Variants in TCF7L1 observed in about 807,000 individuals in gnomAD.
The protein encoded by TCF7L1 is transcription factor 7 like 1.
A neutral mutation model predicts 63.7 loss-of-function variants in TCF7L1; 18 were observed. That is an observed-to-expected ratio of 0.28 (90% CI 0.20 to 0.42). The LOEUF (loss-of-function observed/expected upper bound fraction) is 0.42, where lower values mean the gene tolerates loss of function less well. Among genes scored for constraint, TCF7L1 ranks in the 10% least tolerant of loss-of-function variants. The probability of loss-of-function intolerance (pLI) is 1.00; values close to 1 mark genes in which losing one functional copy is unlikely to be tolerated. For missense variants in TCF7L1, 654 were observed against 779.3 expected (o/e 0.84, Z 1.91); for synonymous variants, 355 against 340.9 (o/e 1.04, Z -0.46).
chr2:85,247,631 G>A (rs1276327743), intron 3 of TCF7L1, among the ~76,000 whole-genome samples: 2 of 152,222 alleles, frequency 1.3e-5, no homozygotes, highest in South Asian at 2.1e-4. Context: ...TGCCAAAATT[G>A]TGAGGGTTTG....
At chr2:85,220,977 G>A (rs1488731925) in intron 3 of TCF7L1, among the ~76,000 whole-genome samples, 1 of 152,146 alleles carries the variant, frequency 6.6e-6, no homozygotes, top group African/African-American at 2.4e-5. Flanking sequence ...AGTTAGCCTA[G>A]AATATATTGT....
chr2:85,236,714 A>T (rs1309958568), intron 3 of TCF7L1, among the ~76,000 whole-genome samples: 2 of 152,170 alleles, frequency 1.3e-5, no homozygotes, highest in Non-Finnish European at 2.9e-5. Flanking sequence ...CATAAGAGGT[A>T]AACAGAGTCC....
rs1004807742 is a variant in TCF7L1 at position 85,284,971 on chromosome 2, C to T, written c.525+1393C>T. On this transcript the variant is annotated intron_variant, in intron 4 of 11. Transcript: ENST00000282111. ...ACTGATAGCTGGGCGCAGTGGCTCA[C>T]GCCTGTAATCCCAGCACTTTGGGAG... 7.9e-5 allele frequency among the ~76,000 whole-genome samples: 12 copies of T among 152,274 alleles called. No homozygotes were observed. In the East Asian group the frequency reaches 1.2e-3, roughly 15 times the overall value.
rs868793797 is a variant in TCF7L1, at chr2:85,134,470, G to T, written c.441+20G>T. ...CGCACCGTGAGTGCCCGTCGGGCGC[G>T]CCGGGGAGGGTGGGAGGCCGCGGCC... On this transcript the variant is annotated intron_variant, in intron 3 of 11. Transcript: ENST00000282111. This position sits in a 1 kb window ranked among gnomAD's most constrained non-coding sequence, Gnocchi z 5.0. The T allele has an allele frequency of 9.0e-6, 14 of 1,547,858 alleles. No individual in the cohort carries two copies. The Middle Eastern group carries it at 8.0e-4, about 89-fold the overall frequency.
intron 11 of TCF7L1, among the ~76,000 whole-genome samples, 178 bp downstream of exon 11, chr2:85,307,895 C>T (rs944425536): frequency 1.3e-5 from 2 of 152,194 alleles, no homozygotes; most frequent in African/African-American, 4.8e-5. Flanking sequence ...AAGGCATTTT[C>T]CCAGGCACTC....
intron 3 of TCF7L1, among the ~76,000 whole-genome samples, chr2:85,251,880 C>T (rs1680595877): frequency 6.6e-6 from 1 of 152,078 alleles, no homozygotes; most frequent in African/African-American, 2.4e-5. Context: ...CTGAGACCAG[C>T]CTGGGTAACA....
chr2:85,269,434 TACAC>T lies in TCF7L1; in HGVS notation c.442-14059_442-14056del, dbSNP rs958170345. 1.1e-4 allele frequency among the ~76,000 whole-genome samples: 16 copies of T among 152,262 alleles called. No individual in the cohort carries two copies. In the East Asian group the frequency reaches 1.3e-3, roughly 13 times the overall value. On this transcript the variant is annotated intron_variant, in intron 3 of 11. Coordinates refer to ENST00000282111, the MANE Select transcript of TCF7L1 (RefSeq NM_031283.3). ...CATGTGTATACACATACATAAAAAA[TACAC>T]ATACATATGTATTTATAATTTTGTT...
Position 85,305,332 on chromosome 2 carries a change from C to T in TCF7L1, c.918C>T (p.Pro306=). The change falls in exon 8 of 12, where the codon CCC becomes CCT. Residue 306 remains proline, a synonymous_variant. Coordinates refer to ENST00000282111, the MANE Select transcript of TCF7L1 (RefSeq NM_031283.3). The stretch of plus-strand genomic sequence containing the variant: ...CTGGCCTGCCCACCTCAGGGATCCC[C>T]CACCCTGCCATCGTCTCCCCCATCG... The part of the protein sequence containing the change: ...AHPGLPTSGI[P]HPAIVSPIVK... The T allele has an allele frequency of 1.2e-6, 2 of 1,613,922 alleles. No homozygotes were observed. Among genetic ancestry groups the T allele is most frequent in the Non-Finnish European group, 1.7e-6 (2 of 1,179,934 alleles).
intron 3 of TCF7L1, among the ~76,000 whole-genome samples, chr2:85,262,519 T>C (rs528540756): frequency 3.9e-5 from 6 of 152,330 alleles, no homozygotes; most frequent in Non-Finnish European, 8.8e-5. Context: ...TAGAGGCTGC[T>C]GTCAAGTCCA....
chr2:85,298,593 G>C (rs1385286844), intron 4 of TCF7L1, among the ~76,000 whole-genome samples: 1 of 151,986 alleles, frequency 6.6e-6, no homozygotes, highest in African/African-American at 2.4e-5. Context: ...TGAAATAGAC[G>C]GGAAACACCT....
rs553066847 is a variant in TCF7L1, at chr2:85,133,826, G to C, written c.142G>C (p.Glu48Gln). 5.4e-6 allele frequency: 8 copies of C among 1,492,096 alleles called. No homozygotes were observed. In the East Asian group the frequency reaches 2.0e-4, roughly 37 times the overall value. The allele number at this position is 1,492,096 out of a possible 1,614,324, so 92.4% of individuals were successfully genotyped here. Residue 48 changes from glutamate to glutamine, a missense_variant, in exon 1 of 12, where the codon GAG becomes CAG. Glu to Gln is a conservative substitution (Grantham distance 29). Transcript: ENST00000282111. The surrounding 1 kb of genome is among the most constrained non-coding windows in gnomAD (Gnocchi z 4.4). ...CCCCTTCCAGGACGAGGGGGGCGAG[G>C]AGCAGGAGCCGAGCAGCGATAGCGC... The part of the protein sequence containing the change: ...LIPFQDEGGE[E>Q]QEPSSDSASA...
intron 4 of TCF7L1, among the ~76,000 whole-genome samples, chr2:85,290,478 C>T (rs149267448): frequency 1.0e-3 from 152 of 152,272 alleles, no homozygotes; most frequent in Middle Eastern, 3.4e-3. Flanking sequence ...GCCCAACCTC[C>T]CCATTTTTAA....
intron 4 of TCF7L1, among the ~76,000 whole-genome samples, chr2:85,284,725 CAT>C (rs996672806): frequency 3.3e-5 from 5 of 152,200 alleles, no homozygotes; most frequent in Non-Finnish European, 5.9e-5. Flanking sequence ...GACGAGCAGA[CAT>C]AGGACTTCAC....
chr2:85,237,403 C>T lies in TCF7L1; in HGVS notation c.442-46092C>T, dbSNP rs146443164. ...GACTCCGAGGTCTGCAGTGCAGCCC[C>T]CTCTCAGCCTGTCGCTTGCTGTCTG... is the stretch of plus-strand genomic sequence containing the variant. On this transcript the variant is annotated intron_variant, in intron 3 of 11. Coordinates refer to ENST00000282111, the MANE Select transcript of TCF7L1 (RefSeq NM_031283.3). 2.6e-4 allele frequency among the ~76,000 whole-genome samples: 40 copies of T among 152,162 alleles called. No individual in the cohort carries two copies. In the East Asian group the frequency reaches 6.0e-3, roughly 23 times the overall value.
At chr2:85,296,087 A>T (rs896252397) in intron 4 of TCF7L1, among the ~76,000 whole-genome samples, 1 of 152,176 alleles carries the variant, frequency 6.6e-6, no homozygotes, top group Non-Finnish European at 1.5e-5. Flanking sequence ...CAGTAACATT[A>T]ACTTTTCATG....
intron 3 of TCF7L1, among the ~76,000 whole-genome samples, chr2:85,192,624 C>T (rs1257589975): frequency 6.6e-6 from 1 of 151,798 alleles, no homozygotes; most frequent in Admixed American, 6.6e-5. Context: ...CTCAGGTGAT[C>T]CATCTGCCTC....
At chr2:85,307,338 T>A (rs1264756301) in intron 10 of TCF7L1, among the ~76,000 whole-genome samples, 1 of 152,198 alleles carries the variant, frequency 6.6e-6, no homozygotes, top group Non-Finnish European at 1.5e-5. Flanking sequence ...TCAGAAAAGA[T>A]CTAGAAGCAC....
intron 3 of TCF7L1, among the ~76,000 whole-genome samples, chr2:85,175,871 G>T (rs1678668581): frequency 6.6e-6 from 1 of 152,118 alleles, no homozygotes; most frequent in East Asian, 1.9e-4. Flanking sequence ...TCCCTTTCTC[G>T]CTGTCACCAG....
intron 3 of TCF7L1, among the ~76,000 whole-genome samples, chr2:85,142,880 T>C (rs1331244146): frequency 2.6e-5 from 4 of 152,260 alleles, no homozygotes; most frequent in African/African-American, 9.6e-5. Context: ...AGCAATGCTC[T>C]GAGCTCACTC....
Sources: allele counts gnomAD v4.1 joint callset (sites outside exome capture counted in the v4.1 genomes callset), GRCh38; gene constraint gnomAD v4.1.1; non-coding constraint Gnocchi (gnomAD v3.1); transcripts MANE v1.5; gene names NCBI Gene and HGNC (gene_info 2026-07-23, HGNC 2026-07-21).